PRKD1: variants seen among roughly 807,000 people sequenced by gnomAD.
The protein encoded by PRKD1 is protein kinase D1, also known as serine/threonine-protein kinase D1.
PRKD1 carries 63 observed loss-of-function variants against 95.9 expected under a neutral mutation model. That is an observed-to-expected ratio of 0.66 (90% CI 0.54 to 0.81). The LOEUF (loss-of-function observed/expected upper bound fraction) is 0.81. PRKD1 is among the 30% of genes least tolerant of loss of function. The pLI, the probability that PRKD1 is intolerant of heterozygous loss-of-function variation, is 0.00. For missense variants in PRKD1, 1,048 were observed against 1,165.3 expected (o/e 0.90, Z 1.47); for synonymous variants, 425 against 423.1 (o/e 1.00, Z -0.05).
At chr14:29,706,382 C>T (rs1242401912) in intron 2 of PRKD1, among the ~76,000 whole-genome samples, 1 of 152,048 alleles carries the variant, frequency 6.6e-6, no homozygotes, top group African/African-American at 2.4e-5. Context: ...TCCAGGAAAT[C>T]TTGTTAGATG....
chr14:29,861,716 G>C (rs1251564055), intron 1 of PRKD1, among the ~76,000 whole-genome samples: 1 of 152,100 alleles, frequency 6.6e-6, no homozygotes, highest in Non-Finnish European at 1.5e-5. Flanking sequence ...GCTGTGATGT[G>C]ATTTTGGCTC....
At chr14:29,684,055 C>T (rs1008036161) in intron 2 of PRKD1, among the ~76,000 whole-genome samples, 1 of 152,096 alleles carries the variant, frequency 6.6e-6, no homozygotes, top group Non-Finnish European at 1.5e-5. Flanking sequence ...CCCTCACACT[C>T]TTCAAAACCA....
intron 1 of PRKD1, among the ~76,000 whole-genome samples, chr14:29,856,631 G>A (rs1287350473): frequency 2.0e-5 from 3 of 152,184 alleles, no homozygotes; most frequent in Non-Finnish European, 4.4e-5. Context: ...CTAACTGACT[G>A]TTCATGTGTT....
intron 4 of PRKD1, among the ~76,000 whole-genome samples, chr14:29,645,137 CAGTA>C (rs2139157735): frequency 6.6e-6 from 1 of 152,184 alleles, no homozygotes; most frequent in African/African-American, 2.4e-5. Context: ...ATATAGAAAA[CAGTA>C]AGTATTTTCT....
chr14:29,701,170 A>C (rs1884825500), intron 2 of PRKD1, among the ~76,000 whole-genome samples: 1 of 152,124 alleles, frequency 6.6e-6, no homozygotes, highest in Admixed American at 6.5e-5. Flanking sequence ...TTCCTTACCA[A>C]AGTTTTATCT....
intron 2 of PRKD1, among the ~76,000 whole-genome samples, chr14:29,670,363 C>T (rs1335547953): frequency 6.6e-6 from 1 of 152,104 alleles, no homozygotes; most frequent in Non-Finnish European, 1.5e-5. Flanking sequence ...CTAGGTCTGT[C>T]AGGGAACACT....
At position 29,577,414 on chromosome 14, in the gene PRKD1, T is replaced by G. The variant is rs1892594230; in HGVS notation, c.2563A>C (p.Ile855Leu). Residue 855 changes from isoleucine (I) to leucine (L), a missense_variant, in exon 18 of 18, where the codon ATC becomes CTC. Physicochemically the swap from Ile to Leu is conservative, Grantham distance 5. Coordinates refer to ENST00000331968, the MANE Select transcript of PRKD1 (RefSeq NM_002742.3). Reference sequence around the variant, plus strand: ...TCATGGGTGATGTAGCGCTCCCCGATTTTGCATTCCAGCTCTCGCAAATCT... The same window carrying G: ...TCATGGGTGATGTAGCGCTCCCCGAGTTTGCATTCCAGCTCTCGCAAATCT... Reference protein sequence around the residue: ...WLDLRELECKIGERYITHESD... With the variant: ...WLDLRELECKLGERYITHESD... 5 of 1,613,680 alleles carry G rather than the reference T, an allele frequency of 3.1e-6. No homozygotes were observed. The highest frequency in any genetic ancestry group is 4.2e-6 in the Non-Finnish European group (5 of 1,179,810).
intron 2 of PRKD1, among the ~76,000 whole-genome samples, chr14:29,694,687 G>A (rs538852329): frequency 1.3e-5 from 2 of 152,190 alleles, no homozygotes. Flanking sequence ...AGAAGTGGGG[G>A]ATGGGAAGTA....
intron 2 of PRKD1, among the ~76,000 whole-genome samples, chr14:29,695,897 T>C (rs564511186): frequency 1.3e-5 from 2 of 152,306 alleles, no homozygotes; most frequent in African/African-American, 4.8e-5. Flanking sequence ...ATCTGGAATG[T>C]CAGAGGTTGA....
chr14:29,798,375 T>C (rs1018109550), intron 1 of PRKD1, among the ~76,000 whole-genome samples: 1 of 152,208 alleles, frequency 6.6e-6, no homozygotes, highest in Non-Finnish European at 1.5e-5. Context: ...AATGTATACT[T>C]GCATCTGTGG....
Position 29,630,862 on chromosome 14 carries a change from T to C in PRKD1, c.1552A>G (p.Ser518Gly). 6.2e-7 allele frequency: 1 copy of C among 1,614,120 alleles called. No individual in the cohort carries two copies. Reference protein sequence around the residue: ...VNPSSPSPNNSVLTSGVGADV... With the variant: ...VNPSSPSPNNGVLTSGVGADV... ...GCACCAACGCCACTGGTGAGAACAC[T>C]GTTATTTGGTGATGGGCTGGAAGGA... is the stretch of plus-strand genomic sequence containing the variant. The change falls in exon 10 of 18, where the codon AGT becomes GGT. Residue 518 changes from serine (S) to glycine (G), a missense_variant. Ser to Gly is a moderately conservative substitution (Grantham distance 56, BLOSUM62 0). Coordinates refer to ENST00000331968, the MANE Select transcript of PRKD1 (RefSeq NM_002742.3).
chr14:29,826,820 TATATATATATATATATATACACAC>T (rs1484809880), intron 1 of PRKD1, among the ~76,000 whole-genome samples: 17 of 27,184 alleles, frequency 6.3e-4, no homozygotes, highest in Admixed American at 2.7e-3. Context: ...TATACACATA[TATATATATATATATATATACACAC>T]ATATATATAT....
At chr14:29,750,854 G>C (rs1018111646) in intron 1 of PRKD1, among the ~76,000 whole-genome samples, 1 of 152,122 alleles carries the variant, frequency 6.6e-6, no homozygotes, top group African/African-American at 2.4e-5. Flanking sequence ...CAGGAGAGTA[G>C]GAAATGAAGC....
At chr14:29,819,445 C>T (rs893426105) in intron 1 of PRKD1, among the ~76,000 whole-genome samples, 1 of 152,114 alleles carries the variant, frequency 6.6e-6, no homozygotes, top group Non-Finnish European at 1.5e-5. Flanking sequence ...AATCCCAGCA[C>T]TTTGGGAGGC....
chr14:29,826,001 A>C (rs1446991021), intron 1 of PRKD1, among the ~76,000 whole-genome samples: 1 of 151,766 alleles, frequency 6.6e-6, no homozygotes, highest in Non-Finnish European at 1.5e-5. Flanking sequence ...TTATGCAAAA[A>C]AGATACTGGT....
intron 1 of PRKD1, among the ~76,000 whole-genome samples, chr14:29,808,352 C>T (rs1264020069): frequency 1.7e-5 from 2 of 116,462 alleles, no homozygotes; most frequent in Admixed American, 1.1e-4. Context: ...TGCAGCAATT[C>T]GGTCCTACTT....
At chr14:29,651,173 C>G (rs942103449) in intron 4 of PRKD1, among the ~76,000 whole-genome samples, 1 of 152,082 alleles carries the variant, frequency 6.6e-6, no homozygotes, top group Admixed American at 6.5e-5. Flanking sequence ...GAGAAAGAGA[C>G]AAAAGATAAG....
At chr14:29,705,507 C>T (rs534204369) in intron 2 of PRKD1, among the ~76,000 whole-genome samples, 85 of 151,866 alleles carry the variant, frequency 5.6e-4, no homozygotes, top group African/African-American at 2.0e-3. Context: ...ACAATTAACC[C>T]ATTTAAAGTA....
chr14:29,695,900 G>C (rs757222214), intron 2 of PRKD1, among the ~76,000 whole-genome samples: 36 of 152,328 alleles, frequency 2.4e-4, no homozygotes, highest in South Asian at 1.0e-3. Context: ...TGGAATGTCA[G>C]AGGTTGATAG....
Sources: gnomAD v4.1 joint callset for allele counts (sites outside exome capture counted in the v4.1 genomes callset) on GRCh38, gnomAD v4.1.1 for gene constraint, MANE v1.5 for transcripts, NCBI Gene and HGNC (gene_info 2026-07-23, HGNC 2026-07-21) for gene names.